Variants in FREM2 observed in about 807,000 individuals in gnomAD.
FREM2 encodes FRAS1 related extracellular matrix 2.
A neutral mutation model predicts 219.9 loss-of-function variants in FREM2; 119 were observed. The observed-to-expected ratio is 0.54, with a 90% CI of 0.47 to 0.63. FREM2 has a LOEUF of 0.63. FREM2 is among the 30% of genes least tolerant of loss of function. The pLI is 0.00. For missense variants in FREM2, 4,030 were observed against 3,993.6 expected (o/e 1.01, Z -0.25); for synonymous variants, 1,562 against 1,522.8 (o/e 1.03, Z -0.60).
At chr13:38,723,945 G>A (rs1871404027) in intron 2 of FREM2, among the ~76,000 whole-genome samples, 4 of 152,152 alleles carry the variant, frequency 2.6e-5, no homozygotes, top group Admixed American at 1.3e-4. Context: ...AGTAGCAGAC[G>A]AAGGATGCAA....
chr13:38,731,596 T>C (rs951220638), intron 2 of FREM2, among the ~76,000 whole-genome samples: 1 of 152,196 alleles, frequency 6.6e-6, no homozygotes, highest in African/African-American at 2.4e-5. Flanking sequence ...AAAAGACTGG[T>C]CAATCTACGG....
Position 38,885,287 on chromosome 13 carries a change from T to TAA in FREM2, c.*4500_*4501insAA, listed in dbSNP as rs1277647752. On this transcript the variant is annotated 3_prime_UTR_variant, in exon 24 of 24. Coordinates refer to ENST00000280481, the MANE Select transcript of FREM2 (RefSeq NM_207361.6). ...TAATGTCTTTCTTAATTTTATTTTATTAGGAGAAAAATCAGAATATTAAAT... is the reference window on the plus strand; with the variant it reads ...TAATGTCTTTCTTAATTTTATTTTATAATAGGAGAAAAATCAGAATATTAAAT... 62 of 152,292 alleles carry TAA rather than the reference T, an allele frequency of 4.1e-4. No individual in the cohort carries two copies. The highest frequency in any genetic ancestry group is 1.4e-3 in the African/African-American group (60 of 41,582). 9.4% of individuals were successfully genotyped at this position (152,292 alleles called of 1,614,324 possible). A position where few individuals can be genotyped will look rare whatever the true frequency, so the allele number is the denominator to read the frequency against.
In FREM2 at chr13:38,689,001, T is replaced by G; in HGVS notation, c.1657T>G (p.Leu553Val). The G allele has an allele frequency of 6.2e-7, 1 of 1,613,934 alleles. No homozygotes were observed. Among genetic ancestry groups the G allele is most frequent in the Non-Finnish European group, 8.5e-7 (1 of 1,179,918 alleles). The change falls in exon 1 of 24, where the codon TTA (leucine) becomes GTA (valine). Residue 553 changes from leucine to valine, a missense_variant. By Grantham distance (32) the Leu-to-Val change is conservative. Around this residue, in one of 2 missense-constraint regions of FREM2, gnomAD observed 3,102 missense variants for 2,950.7 expected, o/e 1.05. Coordinates refer to ENST00000280481, the MANE Select transcript of FREM2 (RefSeq NM_207361.6). ...HQVQFLFPIT[L>V]VPVDDQPPVL... ...GGTACAGTTTCTGTTCCCCATCACC[T>G]TAGTGCCTGTGGATGACCAGCCACC...
At chr13:38,716,979 T>A (rs898789660) in intron 2 of FREM2, among the ~76,000 whole-genome samples, 3 of 152,192 alleles carry the variant, frequency 2.0e-5, no homozygotes, top group African/African-American at 7.2e-5. Flanking sequence ...GTAAATACCT[T>A]CATTTGGAAC....
At chr13:38,812,460 G>T (rs557159971) in intron 6 of FREM2, among the ~76,000 whole-genome samples, 1 of 152,022 alleles carries the variant, frequency 6.6e-6, no homozygotes, top group Non-Finnish European at 1.5e-5. Context: ...TGTATCCATT[G>T]TATGCTTTTT....
chr13:38,691,665 A>G lies in FREM2; in HGVS notation c.4321A>G (p.Thr1441Ala), dbSNP rs886042127. 7 of 1,614,176 alleles carry G rather than the reference A, an allele frequency of 4.3e-6. No homozygotes were observed. Among genetic ancestry groups the G allele is most frequent in the Non-Finnish European group, 5.1e-6 (6 of 1,180,020 alleles). Residue 1441 changes from threonine (T) to alanine (A), a missense_variant, in exon 1 of 24, where the codon ACA (threonine) becomes GCA (alanine). Coordinates refer to ENST00000280481, the MANE Select transcript of FREM2 (RefSeq NM_207361.6). ...AGAAGGTGGCAAAGTCACTCTTACAACAGACCTACTAAGCACTAGTGACTT... is the reference window on the plus strand; with the variant it reads ...AGAAGGTGGCAAAGTCACTCTTACAGCAGACCTACTAAGCACTAGTGACTT... ...LKEGGKVTLT[T>A]DLLSTSDLNS...
At chr13:38,772,682 T>G (rs557320955) in intron 4 of FREM2, among the ~76,000 whole-genome samples, 1 of 135,868 alleles carries the variant, frequency 7.4e-6, no homozygotes, top group African/African-American at 2.8e-5. Flanking sequence ...CAAAAAGAAC[T>G]TTCTTTTTTT....
At chr13:38,765,918 G>T (rs946903244) in intron 3 of FREM2, among the ~76,000 whole-genome samples, 1 of 152,016 alleles carries the variant, frequency 6.6e-6, no homozygotes, top group Non-Finnish European at 1.5e-5. Context: ...CTCTCACTGC[G>T]CTCTCTTTTA....
At position 38,876,322 on chromosome 13, in the gene FREM2, G is replaced by T; in HGVS notation, c.8484G>T (p.Leu2828=). ...CCCCATCACATCAGGAATACCGCCT[G>T]CCAGTCACCTGCAACCCCAGAGAAC... The part of the protein sequence containing the change: ...CTAPSHQEYR[L]PVTCNPREPV... The change falls in exon 20 of 24, where the codon CTG becomes CTT. Residue 2828 remains leucine, a synonymous_variant. Coordinates refer to ENST00000280481, the MANE Select transcript of FREM2 (RefSeq NM_207361.6). 1 of 1,613,954 alleles carries T rather than the reference G, an allele frequency of 6.2e-7. No homozygotes were observed.
chr13:38,702,533 C>CTTTT (rs1566110269), intron 2 of FREM2, among the ~76,000 whole-genome samples: 1 of 151,996 alleles, frequency 6.6e-6, no homozygotes, highest in Non-Finnish European at 1.5e-5. Flanking sequence ...CTCGTGTAAA[C>CTTTT]TTTTTTGTTT....
rs772991848 is a variant in FREM2 at position 38,861,502 on chromosome 13, C to T, written c.7591C>T (p.Pro2531Ser). 20 of 1,613,708 alleles carry T rather than the reference C, an allele frequency of 1.2e-5. No individual in the cohort carries two copies. In the South Asian group the frequency reaches 2.2e-4, roughly 18 times the overall value. ...CTCAGCTAAATTGCGCTACACAGGC[C>T]CTGAGGATGCAGACTACACAAACCT... ...PFSAKLRYTG[P>S]EDADYTNLIK... The change falls in exon 15 of 24, where the codon CCT becomes TCT. Residue 2531 changes from proline (P) to serine (S), a missense_variant. By Grantham distance (74) the Pro-to-Ser change is moderately conservative (BLOSUM62 -1). This residue lies in a region of FREM2 where 928 missense variants were observed against 1,042.9 expected (regional missense o/e 0.89). Coordinates refer to ENST00000280481, the MANE Select transcript of FREM2 (RefSeq NM_207361.6).
chr13:38,796,981 A>G (rs1874814362), intron 6 of FREM2, among the ~76,000 whole-genome samples: 1 of 152,020 alleles, frequency 6.6e-6, no homozygotes, highest in Non-Finnish European at 1.5e-5. Flanking sequence ...GATTCAAGCA[A>G]TCTTCCTGCC....
intron 6 of FREM2, among the ~76,000 whole-genome samples, chr13:38,799,436 G>A (rs1040082006): frequency 6.6e-6 from 1 of 152,022 alleles, no homozygotes; most frequent in African/African-American, 2.4e-5. Flanking sequence ...TGTATATTCT[G>A]CAGTTGTGGG....
rs377595909 is a variant in FREM2, at chr13:38,830,464, C to T, written c.6020-16109C>T. ...TTGCACTTTCCCCTCAAGGGTCCCA[C>T]GGCTTATGGTCTAACTCTGCTTCAG... is the stretch of plus-strand genomic sequence containing the variant. On this transcript the variant is annotated intron_variant, in intron 6 of 23. Transcript: ENST00000280481. 7.2e-5 allele frequency among the ~76,000 whole-genome samples: 11 copies of T among 152,292 alleles called. No individual in the cohort carries two copies. The East Asian group carries it at 7.8e-4, about 11-fold the overall frequency.
At chr13:38,731,946 A>C (rs1312127963) in intron 2 of FREM2, among the ~76,000 whole-genome samples, 1 of 152,222 alleles carries the variant, frequency 6.6e-6, no homozygotes, top group East Asian at 1.9e-4. Context: ...AGCATTTGAT[A>C]CCTGGTATAA....
chr13:38,757,421 A>T (rs547874145), intron 2 of FREM2, among the ~76,000 whole-genome samples: 3 of 152,218 alleles, frequency 2.0e-5, no homozygotes, highest in Admixed American at 2.0e-4. Context: ...AGTTTGTGTG[A>T]CAATTACTAA....
chr13:38,861,782 A>G (rs762794782), intron 15 of FREM2, among the ~76,000 whole-genome samples: 1 of 152,236 alleles, frequency 6.6e-6, no homozygotes, highest in South Asian at 2.1e-4. Context: ...GATGTAATAC[A>G]TATCCAGACA....
In FREM2 at chr13:38,751,855, G is replaced by A. The variant is rs185178727; in HGVS notation, c.5264-12449G>A. ...TCTAAGACCACACCAACTTGTTTTT[G>A]TACTTACTCTGTGTGTGTGTGTGTG... On this transcript the variant is annotated intron_variant, in intron 2 of 23. Transcript: ENST00000280481. Among the ~76,000 whole-genome samples, 252 of 121,692 alleles carry A rather than the reference G, an allele frequency of 2.1e-3. 2 individuals carry two copies. The East Asian group carries it at 0.048, about 23-fold the overall frequency. The allele number at this position is 121,692 out of a possible 152,430, so 79.8% of individuals were successfully genotyped here.
chr13:38,807,620 T>A (rs549245942), intron 6 of FREM2, among the ~76,000 whole-genome samples: 2 of 152,038 alleles, frequency 1.3e-5, no homozygotes, highest in South Asian at 4.2e-4. Flanking sequence ...TATATCTCTA[T>A]CAGAGCTATT....
Sources: allele counts gnomAD v4.1 joint callset (sites outside exome capture counted in the v4.1 genomes callset), GRCh38; gene constraint gnomAD v4.1.1; regional missense constraint gnomAD v4.1.1; transcripts MANE v1.5; gene names NCBI Gene and HGNC (gene_info 2026-07-23, HGNC 2026-07-21).